The following CACNA2D2 variants were observed in gnomAD, a reference collection of about 807,000 sequenced individuals.
CACNA2D2 encodes the protein calcium voltage-gated channel auxiliary subunit alpha2delta 2.
CACNA2D2 carries 48 observed loss-of-function variants against 166.4 expected under a neutral mutation model. The ratio of observed to expected loss-of-function variants is 0.29; its 90% CI spans 0.23 to 0.37. The LOEUF (loss-of-function observed/expected upper bound fraction) is 0.37. CACNA2D2 is among the 10% of genes least tolerant of loss of function. The probability of loss-of-function intolerance (pLI) is 1.00; values close to 1 mark genes in which losing one functional copy is unlikely to be tolerated. For missense variants in CACNA2D2, 1,122 were observed against 1,433.0 expected (o/e 0.78, Z 3.50); for synonymous variants, 561 against 573.7 (o/e 0.98, Z 0.32).
At chr3:50,459,667 G>C (rs1241193811) in intron 2 of CACNA2D2, among the ~76,000 whole-genome samples, 1 of 152,188 alleles carries the variant, frequency 6.6e-6, no homozygotes, top group African/African-American at 2.4e-5. Flanking sequence ...GAGCCCCTCA[G>C]AACTCCAGCC....
At chr3:50,494,747 TC>T (rs1484289893) in intron 1 of CACNA2D2, among the ~76,000 whole-genome samples, 8 of 152,208 alleles carry the variant, frequency 5.3e-5, no homozygotes, top group African/African-American at 1.9e-4. Context: ...CCATCACAGC[TC>T]CCTATAGCCT....
intron 2 of CACNA2D2, among the ~76,000 whole-genome samples, chr3:50,468,379 TAGTGTGTGTGTGTGTGTGTGTGTGTG>T (rs1162121829): frequency 2.9e-4 from 20 of 68,858 alleles, no homozygotes; most frequent in African/African-American, 9.7e-4. Context: ...TTCATCAGAA[TAGTGTGTGTGTGTGTGTGTGTGTGTG>T]TGTGTGTGTG....
intron 6 of CACNA2D2, among the ~76,000 whole-genome samples, chr3:50,383,948 C>T (rs1384224486): frequency 6.6e-6 from 1 of 152,204 alleles, no homozygotes; most frequent in African/African-American, 2.4e-5. Context: ...GGGCAGGAGA[C>T]CATGCATGCA....
chr3:50,366,367 G>A lies in CACNA2D2; in HGVS notation c.2638-29C>T. 2 of 1,609,948 alleles carry A rather than the reference G, an allele frequency of 1.2e-6. No homozygotes were observed. The highest frequency in any genetic ancestry group is 1.7e-6 in the Non-Finnish European group (2 of 1,176,364). On this transcript the variant is annotated intron_variant, in intron 30 of 37. Transcript: ENST00000424201. The surrounding 1 kb of genome is among the most constrained non-coding windows in gnomAD (Gnocchi z 5.9). ...GGAGGAAGGGAATGGGGAGGAAAAT[G>A]GAGAGGGGCTGGGCCCCGGACCTTC... is the stretch of plus-strand genomic sequence containing the variant.
At chr3:50,468,008 G>A (rs1456638942) in intron 2 of CACNA2D2, among the ~76,000 whole-genome samples, 4 of 152,214 alleles carry the variant, frequency 2.6e-5, no homozygotes, top group African/African-American at 9.6e-5. Context: ...CCTCCGCCAA[G>A]TGCTTGGGGC....
chr3:50,385,287 CG>C (rs1705535498), intron 5 of CACNA2D2, among the ~76,000 whole-genome samples: 1 of 152,004 alleles, frequency 6.6e-6, no homozygotes, highest in Admixed American at 6.5e-5. Flanking sequence ...GAGCAAAGCT[CG>C]GGGGCTTCCT....
chr3:50,415,813 C>G (rs1397045333), intron 3 of CACNA2D2: 1 of 152,282 alleles, frequency 6.6e-6, no homozygotes, highest in Non-Finnish European at 1.5e-5. Flanking sequence ...CCTGGCTGCA[C>G]AGACACTCCA....
intron 2 of CACNA2D2, among the ~76,000 whole-genome samples, chr3:50,442,481 T>G (rs1708643504): frequency 6.6e-6 from 1 of 152,062 alleles, no homozygotes; most frequent in Admixed American, 6.5e-5. Context: ...ACCCAGGCCT[T>G]GGGGTGGGTG....
chr3:50,476,259 C>A (rs1697760497), intron 1 of CACNA2D2, 60 bp from the exon 2 acceptor site: 3 of 1,366,128 alleles, frequency 2.2e-6, no homozygotes, highest in Non-Finnish European at 3.0e-6. Flanking sequence ...CACAGCCCCA[C>A]CCCAGCCAAC....
intron 2 of CACNA2D2, among the ~76,000 whole-genome samples, chr3:50,466,271 C>CGT (rs776253067): frequency 2.0e-3 from 280 of 140,296 alleles, no homozygotes; most frequent in Admixed American, 4.6e-3. Context: ...TGTGTGTGCG[C>CGT]ATGTGTGTGT....
In CACNA2D2 at chr3:50,411,698, G is replaced by A. The variant is rs143942285; in HGVS notation, c.406-17530C>T. Among the ~76,000 whole-genome samples, 925 of 152,344 alleles carry A rather than the reference G, an allele frequency of 6.1e-3. 12 individuals are homozygous for A. Among genetic ancestry groups the A allele is most frequent in the African/African-American group, 0.02 (835 of 41,576 alleles). ...CTCCAAGTCCACAAACCTGGCAGAAGGAGAAGCTGGAGCCCACACCTAAGT... is the reference window on the plus strand; with the variant it reads ...CTCCAAGTCCACAAACCTGGCAGAAAGAGAAGCTGGAGCCCACACCTAAGT... On this transcript the variant is annotated intron_variant, in intron 3 of 37. Transcript: ENST00000424201.
At chr3:50,435,139 G>A (rs1424368926) in intron 2 of CACNA2D2, among the ~76,000 whole-genome samples, 1 of 151,740 alleles carries the variant, frequency 6.6e-6, no homozygotes, top group Non-Finnish European at 1.5e-5. Flanking sequence ...CTGAGGGTGT[G>A]TGTGTGTGTG....
At chr3:50,373,622 G>C (rs1393391348) in intron 22 of CACNA2D2, among the ~76,000 whole-genome samples, 2 of 115,292 alleles carry the variant, frequency 1.7e-5, no homozygotes, top group African/African-American at 6.8e-5. Context: ...ACTGAAGGGG[G>C]GGGGGTGCTG....
chr3:50,377,880 G>A (rs1200497721), intron 15 of CACNA2D2, 77 bp from the exon 16 acceptor site: 18 of 1,494,844 alleles, frequency 1.2e-5, no homozygotes, highest in Non-Finnish European at 1.4e-5. Flanking sequence ...CAGGGACTGA[G>A]GTGCAGGCCA....
intron 2 of CACNA2D2, among the ~76,000 whole-genome samples, chr3:50,439,358 C>T (rs1315118889): frequency 2.0e-5 from 3 of 152,352 alleles, no homozygotes; most frequent in Middle Eastern, 3.4e-3. Context: ...GGCTCCTCTC[C>T]GCAGCGAAGG....
chr3:50,366,455 G>A lies in CACNA2D2; in HGVS notation c.2638-117C>T, dbSNP rs1704295300. On this transcript the variant is annotated intron_variant, in intron 30 of 37. Transcript: ENST00000424201. This position sits in a 1 kb window ranked among gnomAD's most constrained non-coding sequence, Gnocchi z 5.9. The stretch of plus-strand genomic sequence containing the variant: ...TCACTCCCCCAGTCCTGGGAAGGCT[G>A]TGAAGTCAGGGTGGGGATGTTGAGA... The A allele has an allele frequency of 6.8e-7, 1 of 1,461,044 alleles. No homozygotes were observed. The highest frequency in any genetic ancestry group is 2.3e-5 in the East Asian group (1 of 44,026). 90.5% of individuals were successfully genotyped at this position (1,461,044 alleles called of 1,614,324 possible). A position where few individuals can be genotyped will look rare whatever the true frequency, so the allele number is the denominator to read the frequency against.
At chr3:50,441,768 T>C (rs746244560) in intron 2 of CACNA2D2, among the ~76,000 whole-genome samples, 1 of 152,258 alleles carries the variant, frequency 6.6e-6, no homozygotes, top group Non-Finnish European at 1.5e-5. Flanking sequence ...GGCCTGTATC[T>C]CAGGGGAGAA....
chr3:50,455,008 C>A (rs570661438), intron 2 of CACNA2D2, among the ~76,000 whole-genome samples: 1 of 152,228 alleles, frequency 6.6e-6, no homozygotes, highest in Non-Finnish European at 1.5e-5. Context: ...AGAAAGGCTT[C>A]GGCCCTAGGG....
In CACNA2D2 at chr3:50,500,490, G is replaced by A. The variant is rs1698915740; in HGVS notation, c.206+2728C>T. Among the ~76,000 whole-genome samples, 3 of 152,182 alleles carry A rather than the reference G, an allele frequency of 2.0e-5. No individual in the cohort carries two copies. In the South Asian group the frequency reaches 6.2e-4, roughly 32 times the overall value. On this transcript the variant is annotated intron_variant, in intron 1 of 37. Transcript: ENST00000424201. ...GGTACAGCTCGATGAAAGACCTGAAGAAGGGGGACAGGGGAAGAGGGAGGG... is the reference window on the plus strand; with the variant it reads ...GGTACAGCTCGATGAAAGACCTGAAAAAGGGGGACAGGGGAAGAGGGAGGG...
Sources: allele counts gnomAD v4.1 joint callset (sites outside exome capture counted in the v4.1 genomes callset), GRCh38; gene constraint gnomAD v4.1.1; non-coding constraint Gnocchi (gnomAD v3.1); transcripts MANE v1.5; gene names NCBI Gene and HGNC (gene_info 2026-07-23, HGNC 2026-07-21).